TIMM9: variants seen among roughly 807,000 people sequenced by gnomAD.
TIMM9 encodes translocase of inner mitochondrial membrane 9, also known as mitochondrial import inner membrane translocase subunit Tim9.
In TIMM9, 10 loss-of-function variants were observed where a neutral mutation model predicts 13.4. The ratio of observed to expected loss-of-function variants is 0.75; its 90% confidence interval spans 0.46 to 1.26. The LOEUF is 1.26. Ranked by LOEUF, TIMM9 falls within the 50% of genes most tolerant of loss-of-function variation. The pLI is 0.00. For synonymous variants in TIMM9, 32 were observed against 32.1 expected (o/e 1.00, Z 0.01); for missense variants, 87 against 100.8 (o/e 0.86, Z 0.58).
At chr14:58,419,802 G>T (rs1260535496) in intron 3 of TIMM9, among the ~76,000 whole-genome samples, 1 of 152,088 alleles carries the variant, frequency 6.6e-6, no homozygotes. Flanking sequence ...TGTAGTCCCA[G>T]CTACTCAAGA....
chr14:58,425,977 C>T (rs576796700), intron 2 of TIMM9, among the ~76,000 whole-genome samples: 151 of 151,448 alleles, frequency 1.0e-3, no homozygotes, highest in African/African-American at 3.6e-3. Context: ...ATTAGCTGGG[C>T]GTGGTGGCGG....
intron 3 of TIMM9, among the ~76,000 whole-genome samples, chr14:58,415,085 T>C (rs2036358081): frequency 6.6e-6 from 1 of 152,192 alleles, no homozygotes; most frequent in South Asian, 2.1e-4. Flanking sequence ...AGTGGAAGCC[T>C]GGTGAGGAGC....
chr14:58,424,640 G>C lies in TIMM9; in HGVS notation c.-114-545C>G, dbSNP rs868519952. On this transcript the variant is annotated intron_variant, in intron 2 of 5. Coordinates refer to ENST00000395159, the MANE Select transcript of TIMM9 (RefSeq NM_012460.4). ...CCCAGCATTTTGGGAGGCTGAGGTGGGTGGATAGCTTGAGCCCAAAAGTTC... is the reference window on the plus strand; with the variant it reads ...CCCAGCATTTTGGGAGGCTGAGGTGCGTGGATAGCTTGAGCCCAAAAGTTC... Among the ~76,000 whole-genome samples the C allele has an allele frequency of 2.0e-5, 3 of 152,276 alleles. No homozygotes were observed. In the South Asian group the frequency reaches 6.2e-4, roughly 32 times the overall value.
At chr14:58,413,203 A>G (rs1260154024) in intron 3 of TIMM9, among the ~76,000 whole-genome samples, 2 of 152,176 alleles carry the variant, frequency 1.3e-5, no homozygotes, top group African/African-American at 4.8e-5. Flanking sequence ...CATCAGAAAT[A>G]CTTGGCCTAT....
At position 58,408,980 on chromosome 14, in the gene TIMM9, C is replaced by T; in HGVS notation, c.*54G>A. On this transcript the variant is annotated 3_prime_UTR_variant, in exon 6 of 6. Coordinates refer to ENST00000395159, the MANE Select transcript of TIMM9 (RefSeq NM_012460.4). ...ATTCTATCAGATGAGTCCTCATTTC[C>T]AATAAAGCAGCTGTTGGCAATCTTT... 6.3e-7 allele frequency: 1 copy of T among 1,584,774 alleles called. No homozygotes were observed. The highest frequency in any genetic ancestry group is 8.5e-7 in the Non-Finnish European group (1 of 1,170,636).
intron 3 of TIMM9, among the ~76,000 whole-genome samples, chr14:58,420,145 G>A (rs1003155831): frequency 1.1e-4 from 17 of 152,014 alleles, no homozygotes; most frequent in Admixed American, 1.0e-3. Flanking sequence ...GCTAGGCAAA[G>A]AGTTCTTATA....
At position 58,422,013 on chromosome 14, in the gene TIMM9, C is replaced by T. The variant is rs972026710; in HGVS notation, c.-27+1995G>A. 1.6e-3 allele frequency among the ~76,000 whole-genome samples: 199 copies of T among 121,100 alleles called. 1 individual carries two copies. The highest frequency in any genetic ancestry group is 5.9e-3 in the African/African-American group (181 of 30,828). 79.4% of individuals were successfully genotyped at this position (121,100 alleles called of 152,430 possible). ...CCTTCTTATAATGCCAAAATCTGTTCTTTTTTTTTTTTTTTTTAATTCCAT... is the reference window on the plus strand; with the variant it reads ...CCTTCTTATAATGCCAAAATCTGTTTTTTTTTTTTTTTTTTTTAATTCCAT... On this transcript the variant is annotated intron_variant, in intron 3 of 5. Coordinates refer to ENST00000395159, the MANE Select transcript of TIMM9 (RefSeq NM_012460.4).
At chr14:58,419,431 G>A (rs1163156394) in intron 3 of TIMM9, among the ~76,000 whole-genome samples, 1 of 137,590 alleles carries the variant, frequency 7.3e-6, no homozygotes, top group African/African-American at 2.7e-5. Flanking sequence ...CTCCAGTCTG[G>A]AAAATAGAGT....
chr14:58,427,450 A>G lies in TIMM9; in HGVS notation c.-362T>C, dbSNP rs2036909805. The G allele has an allele frequency of 1.4e-6, 1 of 735,744 alleles. No homozygotes were observed. Among genetic ancestry groups the G allele is most frequent in the East Asian group, 2.8e-5 (1 of 36,132 alleles). The allele number at this position is 735,744 out of a possible 1,614,324, so 45.6% of individuals were successfully genotyped here. ...AAGCAGTGTCAACAGTCCCTGGTAAACACAAGTAGTATTACAAGTCGGGAG... is the reference window on the plus strand; with the variant it reads ...AAGCAGTGTCAACAGTCCCTGGTAAGCACAAGTAGTATTACAAGTCGGGAG... On this transcript the variant is annotated 5_prime_UTR_variant, in exon 1 of 6. Transcript: ENST00000395159.
chr14:58,414,794 T>TA (rs1056262974), intron 3 of TIMM9, among the ~76,000 whole-genome samples: 1 of 151,156 alleles, frequency 6.6e-6, no homozygotes, highest in African/African-American at 2.4e-5. Flanking sequence ...TACTGACATT[T>TA]AAAAAAATGT....
chr14:58,426,723 T>C (rs1363109355), intron 2 of TIMM9, among the ~76,000 whole-genome samples: 1 of 152,162 alleles, frequency 6.6e-6, no homozygotes, highest in East Asian at 1.9e-4. Flanking sequence ...CTAAAGACGA[T>C]TTTCATTTAA....
rs1325837448 is a variant in TIMM9 at position 58,425,979 on chromosome 14, TG to T, written c.-115+1074del. ...AAATACAAAAAAAATTAGCTGGGCG[TG>T]GTGGCGGGCGCCTGTAATCCAGCTA... On this transcript the variant is annotated intron_variant, in intron 2 of 5. Coordinates refer to ENST00000395159, the MANE Select transcript of TIMM9 (RefSeq NM_012460.4). Among the ~76,000 whole-genome samples the T allele has an allele frequency of 2.0e-5, 3 of 151,154 alleles. No homozygotes were observed. The East Asian group carries it at 6.1e-4, about 30-fold the overall frequency.
At chr14:58,421,997 A>G (rs2140340311) in intron 3 of TIMM9, among the ~76,000 whole-genome samples, 1 of 150,626 alleles carries the variant, frequency 6.6e-6, no homozygotes, top group African/African-American at 2.4e-5. Flanking sequence ...TCCTTCTTAT[A>G]ATGCCAAAAT....
intron 3 of TIMM9, among the ~76,000 whole-genome samples, chr14:58,415,028 G>A (rs548706670): frequency 6.6e-6 from 1 of 152,262 alleles, no homozygotes; most frequent in South Asian, 2.1e-4. Flanking sequence ...GAGGCCACAT[G>A]GGGAGAGTAA....
intron 3 of TIMM9, among the ~76,000 whole-genome samples, chr14:58,421,505 G>A (rs2036587495): frequency 6.6e-6 from 1 of 152,156 alleles, no homozygotes; most frequent in African/African-American, 2.4e-5. Context: ...GGAAAACTGG[G>A]TAAAGGACAC....
At chr14:58,413,952 A>G (rs1294665310) in intron 3 of TIMM9, among the ~76,000 whole-genome samples, 1 of 130,066 alleles carries the variant, frequency 7.7e-6, no homozygotes, top group Non-Finnish European at 1.6e-5. Context: ...GCTTGCAGTG[A>G]GCCGAGATTG....
chr14:58,423,598 G>A (rs1349710214), intron 3 of TIMM9, among the ~76,000 whole-genome samples: 2 of 149,614 alleles, frequency 1.3e-5, no homozygotes, highest in Non-Finnish European at 3.0e-5. Flanking sequence ...AGATGACTGA[G>A]TAAATCAATG....
intron 3 of TIMM9, among the ~76,000 whole-genome samples, chr14:58,413,804 G>A (rs756048819): frequency 6.6e-6 from 1 of 151,236 alleles, no homozygotes; most frequent in Non-Finnish European, 1.5e-5. Flanking sequence ...TCAGGAGATC[G>A]AGACCATCCT....
intron 5 of TIMM9, among the ~76,000 whole-genome samples, chr14:58,409,752 G>C (rs2140310686): frequency 6.6e-6 from 1 of 151,142 alleles, no homozygotes; most frequent in Admixed American, 6.6e-5. Flanking sequence ...CTAATTTTTT[G>C]TATTTTTAGT....
Sources: gnomAD v4.1 joint callset for allele counts (sites outside exome capture counted in the v4.1 genomes callset) on GRCh38, gnomAD v4.1.1 for gene constraint, MANE v1.5 for transcripts, NCBI Gene and HGNC (gene_info 2026-07-23, HGNC 2026-07-21) for gene names.